Variants in OLA1 observed in about 807,000 individuals in gnomAD.
OLA1 encodes the protein obg-like ATPase 1.
A neutral mutation model predicts 48.4 loss-of-function variants in OLA1; 14 were observed. The ratio of observed to expected loss-of-function variants is 0.29; its 90% CI spans 0.19 to 0.45. The LOEUF (loss-of-function observed/expected upper bound fraction) is 0.45, where lower values mean the gene tolerates loss of function less well. Ranked by LOEUF, OLA1 falls within the 20% of genes least tolerant of loss-of-function variation. OLA1 has a pLI of 1.00. For synonymous variants in OLA1, 127 were observed against 150.4 expected (o/e 0.84, Z 1.14); for missense variants, 325 against 467.1 (o/e 0.70, Z 2.80).
At chr2:174,144,461 G>A (rs936310302) in intron 4 of OLA1, among the ~76,000 whole-genome samples, 1 of 152,164 alleles carries the variant, frequency 6.6e-6, no homozygotes, top group South Asian at 2.1e-4. Flanking sequence ...ACCCTAGAAC[G>A]GGCCTAGAAC....
Position 174,110,091 on chromosome 2 carries a change from A to ATTT in OLA1, c.728+13086_728+13088dup, listed in dbSNP as rs199583094. On this transcript the variant is annotated intron_variant, in intron 7 of 10. Transcript: ENST00000284719. ...CTATCCCTGTGTTAGTTTGCTAAGG[A>ATTT]TTTTTTTTTTTTTTTTTTTTTTGAG... Among the ~76,000 whole-genome samples the ATTT allele has an allele frequency of 5.3e-4, 59 of 110,974 alleles. 2 individuals are homozygous for ATTT. The highest frequency in any genetic ancestry group is 1.2e-3 in the African/African-American group (34 of 28,412). 72.8% of individuals were successfully genotyped at this position (110,974 alleles called of 152,430 possible).
chr2:174,163,304 CA>C (rs1687056781), intron 4 of OLA1, among the ~76,000 whole-genome samples: 1 of 151,318 alleles, frequency 6.6e-6, no homozygotes, highest in South Asian at 2.1e-4. Context: ...TAGAATAAGG[CA>C]AAAAAAGAAG....
At chr2:174,095,375 C>CTTTTTTTT (rs1685231370) in intron 7 of OLA1, among the ~76,000 whole-genome samples, 1 of 119,702 alleles carries the variant, frequency 8.4e-6, no homozygotes, top group Non-Finnish European at 1.7e-5. Context: ...TTTATAGTGG[C>CTTTTTTTT]TTCCCAATGG....
chr2:174,087,805 T>C (rs1685017839), intron 7 of OLA1, among the ~76,000 whole-genome samples: 1 of 152,206 alleles, frequency 6.6e-6, no homozygotes, highest in African/African-American at 2.4e-5. Context: ...AAATTCTGAT[T>C]ATAATTTCTG....
At position 174,154,526 on chromosome 2, in the gene OLA1, C is replaced by T. The variant is rs778619783; in HGVS notation, c.374-12526G>A. 9.0e-4 allele frequency among the ~76,000 whole-genome samples: 97 copies of T among 107,456 alleles called. 1 individual carries two copies. The highest frequency in any genetic ancestry group is 1.4e-3 in the Non-Finnish European group (73 of 51,314). 70.5% of individuals were successfully genotyped at this position (107,456 alleles called of 152,430 possible). A position where few individuals can be genotyped will look rare whatever the true frequency, so the allele number is the denominator to read the frequency against. Reference sequence around the variant, plus strand: ...CTTTCTATTACAAATTACATCCGTCCTTAAAATGTACAGTTTAGTTTCCCC... The same window carrying T: ...CTTTCTATTACAAATTACATCCGTCTTTAAAATGTACAGTTTAGTTTCCCC... On this transcript the variant is annotated intron_variant, in intron 4 of 10. Transcript: ENST00000284719.
intron 4 of OLA1, among the ~76,000 whole-genome samples, chr2:174,147,008 T>A (rs1406175757): frequency 6.6e-6 from 1 of 152,130 alleles, no homozygotes; most frequent in Non-Finnish European, 1.5e-5. Context: ...AAAAGTATAC[T>A]TGACCAACTG....
chr2:174,083,487 G>C (rs1011506613), intron 7 of OLA1, among the ~76,000 whole-genome samples: 1 of 151,722 alleles, frequency 6.6e-6, no homozygotes, highest in Admixed American at 6.6e-5. Context: ...TTTTTCTTTT[G>C]TTCATATCCC....
chr2:174,109,659 T>C (rs909355187), intron 7 of OLA1, among the ~76,000 whole-genome samples: 1 of 152,200 alleles, frequency 6.6e-6, no homozygotes, highest in Non-Finnish European at 1.5e-5. Context: ...CTATTTCAAT[T>C]TGGCCTGAAG....
intron 10 of OLA1, among the ~76,000 whole-genome samples, chr2:174,076,619 T>C (rs957414940): frequency 2.6e-5 from 4 of 152,068 alleles, no homozygotes; most frequent in Admixed American, 1.3e-4. Flanking sequence ...AGAGCCCTAG[T>C]AAGCATATTT....
rs765417026 is a variant in OLA1 at position 174,229,462 on chromosome 2, T to C, written c.102-11A>G. On this transcript the variant is annotated splice_polypyrimidine_tract_variant and intron_variant, in intron 2 of 10. Transcript: ENST00000284719. ...AAGAAAGTAGATTTCCTAAAACAAATAAAAGCAATTTCAATCAATTCTTAG... is the reference window on the plus strand; with the variant it reads ...AAGAAAGTAGATTTCCTAAAACAAACAAAAGCAATTTCAATCAATTCTTAG... 1.1e-5 allele frequency: 17 copies of C among 1,598,690 alleles called. No homozygotes were observed. The highest frequency in any genetic ancestry group is 3.5e-5 in the Admixed American group (2 of 56,588).
intron 2 of OLA1, among the ~76,000 whole-genome samples, chr2:174,235,841 A>G (rs1688836320): frequency 1.3e-5 from 2 of 152,172 alleles, no homozygotes; most frequent in African/African-American, 2.4e-5. Context: ...GAACCACCCA[A>G]ACAGAGTAGG....
intron 7 of OLA1, among the ~76,000 whole-genome samples, chr2:174,114,054 C>T (rs1048076614): frequency 6.6e-6 from 1 of 151,462 alleles, no homozygotes; most frequent in Admixed American, 6.6e-5. Flanking sequence ...ATCGGCCGGG[C>T]GCGGTGGCTC....
Position 174,140,792 on chromosome 2 carries a change from A to G in OLA1, c.549+1033T>C, listed in dbSNP as rs199695556. Among the ~76,000 whole-genome samples the G allele has an allele frequency of 4.7e-4, 71 of 152,344 alleles. 1 individual carries two copies. In the East Asian group the frequency reaches 0.011, roughly 24 times the overall value. ...GAGTTAACACTCCTAGGAGTAGCCC[A>G]TAGCCAGTAACTGATATAAATTGGT... On this transcript the variant is annotated intron_variant, in intron 5 of 10. Coordinates refer to ENST00000284719, the MANE Select transcript of OLA1 (RefSeq NM_013341.5).
intron 3 of OLA1, among the ~76,000 whole-genome samples, chr2:174,224,125 T>C (rs1197904815): frequency 6.6e-6 from 1 of 152,210 alleles, no homozygotes; most frequent in Non-Finnish European, 1.5e-5. Context: ...TTCCCTATTA[T>C]TGGCATGGAA....
intron 4 of OLA1, among the ~76,000 whole-genome samples, chr2:174,155,124 C>T (rs1686844113): frequency 6.6e-6 from 1 of 152,134 alleles, no homozygotes; most frequent in African/African-American, 2.4e-5. Context: ...ATAGCATGTA[C>T]ATCTAGTGTT....
chr2:174,161,252 T>C (rs1164266085), intron 4 of OLA1, among the ~76,000 whole-genome samples: 1 of 152,166 alleles, frequency 6.6e-6, no homozygotes, highest in East Asian at 1.9e-4. Flanking sequence ...CAACATAAGT[T>C]ATAGTAACAA....
intron 4 of OLA1, among the ~76,000 whole-genome samples, chr2:174,162,621 A>G (rs1687038911): frequency 6.6e-6 from 1 of 152,208 alleles, no homozygotes; most frequent in Non-Finnish European, 1.5e-5. Flanking sequence ...ATACGTCTAA[A>G]TAATACTATG....
intron 4 of OLA1, among the ~76,000 whole-genome samples, chr2:174,203,901 T>C (rs1396025650): frequency 5.3e-5 from 8 of 150,376 alleles, no homozygotes; most frequent in Non-Finnish European, 1.2e-4. Context: ...TTCAAGTGAT[T>C]CTCCTGCCTC....
intron 4 of OLA1, among the ~76,000 whole-genome samples, chr2:174,207,765 A>G (rs1688149743): frequency 9.2e-6 from 1 of 108,500 alleles, no homozygotes; most frequent in South Asian, 4.2e-4. Context: ...ATTGAAAAGT[A>G]AAATCAAACA....
Sources: allele counts gnomAD v4.1 joint callset (sites outside exome capture counted in the v4.1 genomes callset), GRCh38; gene constraint gnomAD v4.1.1; transcripts MANE v1.5; gene names NCBI Gene and HGNC (gene_info 2026-07-23, HGNC 2026-07-21).